The following CSMD3 variants were observed in gnomAD, a reference collection of about 807,000 sequenced individuals.
CSMD3 encodes CUB and Sushi multiple domains 3.
Under a neutral mutation model 435.2 loss-of-function variants are expected in CSMD3, and 177 were observed. The observed-to-expected ratio is 0.41, with a 90% CI of 0.36 to 0.46. CSMD3 has a LOEUF of 0.46. CSMD3 is among the 20% of genes least tolerant of loss of function. The pLI, the probability that CSMD3 is intolerant of heterozygous loss-of-function variation, is 0.34. For synonymous variants in CSMD3, 1,656 were observed against 1,520.5 expected (o/e 1.09, Z -2.07); for missense variants, 4,265 against 4,504.6 (o/e 0.95, Z 1.52).
intron 5 of CSMD3, among the ~76,000 whole-genome samples, chr8:113,051,497 T>A (rs2131328126): frequency 6.6e-6 from 1 of 152,268 alleles, no homozygotes; most frequent in African/African-American, 2.4e-5. Context: ...TATTTGCAAA[T>A]TTCTAAATTT....
chr8:112,705,214 GCCATGAAATTTC>G (rs2076473210), intron 13 of CSMD3, among the ~76,000 whole-genome samples: 1 of 151,972 alleles, frequency 6.6e-6, no homozygotes, highest in Non-Finnish European at 1.5e-5. Context: ...CTAAAAACAA[GCCATGAAATTTC>G]CCATGAGAAA....
At chr8:112,386,952 A>G (rs181633759) in intron 36 of CSMD3, among the ~76,000 whole-genome samples, 208 of 152,348 alleles carry the variant, frequency 1.4e-3, no homozygotes, top group Middle Eastern at 3.4e-3. Context: ...TTCAAATTAC[A>G]TTTTACTTTA....
chr8:112,247,167 C>T, intron 63 of CSMD3, 36 bp from the exon 64 acceptor site: 1 of 1,311,552 alleles, frequency 7.6e-7, no homozygotes, highest in Non-Finnish European at 1.1e-6. Flanking sequence ...AAATATTCCC[C>T]TACAACTTCA....
At chr8:113,323,994 C>A (rs1192564238) in intron 1 of CSMD3, among the ~76,000 whole-genome samples, 1 of 152,030 alleles carries the variant, frequency 6.6e-6, no homozygotes, top group Non-Finnish European at 1.5e-5. Context: ...TTGGCTGTGT[C>A]CCCACCCAAA....
rs867686331 is a variant in CSMD3 at position 113,201,502 on chromosome 8, T to C, written c.515-27586A>G. On this transcript the variant is annotated intron_variant, in intron 3 of 70. Transcript: ENST00000297405. The stretch of plus-strand genomic sequence containing the variant: ...TAAATTGACAGCTGTTTATTAGATT[T>C]TTGTTTTTGATAAGGATACTATATA... 2.7e-4 allele frequency among the ~76,000 whole-genome samples: 41 copies of C among 152,172 alleles called. No individual in the cohort carries two copies. In the South Asian group the frequency reaches 3.9e-3, roughly 15 times the overall value.
intron 5 of CSMD3, among the ~76,000 whole-genome samples, chr8:113,065,544 G>A (rs910213940): frequency 3.9e-5 from 6 of 152,082 alleles, no homozygotes; most frequent in African/African-American, 1.4e-4. Flanking sequence ...CCACCACCAC[G>A]CCTGGCTAAT....
intron 1 of CSMD3, among the ~76,000 whole-genome samples, chr8:113,321,909 T>C (rs542817432): frequency 3.3e-5 from 5 of 152,296 alleles, no homozygotes; most frequent in African/African-American, 1.2e-4. Flanking sequence ...CAATATTTCT[T>C]TGCATAATCC....
chr8:112,824,559 A>G (rs551017557), intron 12 of CSMD3, among the ~76,000 whole-genome samples: 2 of 152,226 alleles, frequency 1.3e-5, no homozygotes, highest in South Asian at 4.1e-4. Context: ...TCCTTTGCTT[A>G]TGAAGCTTAG....
intron 3 of CSMD3, among the ~76,000 whole-genome samples, chr8:113,258,410 T>A (rs1179693631): frequency 6.6e-6 from 1 of 152,156 alleles, no homozygotes; most frequent in Admixed American, 6.6e-5. Context: ...AGCAATATAT[T>A]GTTTAGCGGG....
intron 13 of CSMD3, among the ~76,000 whole-genome samples, chr8:112,773,863 C>G (rs951972586): frequency 2.6e-5 from 4 of 151,600 alleles, no homozygotes; most frequent in African/African-American, 9.7e-5. Context: ...AAGAATGTAA[C>G]AAAAAAATAG....
At chr8:113,401,139 A>T (rs1266784422) in intron 1 of CSMD3, among the ~76,000 whole-genome samples, 1 of 151,766 alleles carries the variant, frequency 6.6e-6, no homozygotes, top group Non-Finnish European at 1.5e-5. Context: ...GCCAAGGAAC[A>T]CTGTTAGAAA....
intron 10 of CSMD3, among the ~76,000 whole-genome samples, chr8:112,873,823 C>T (rs1203702933): frequency 6.6e-6 from 1 of 151,902 alleles, no homozygotes; most frequent in African/African-American, 2.4e-5. Context: ...ATTATTCTGG[C>T]TAGCAGACTA....
chr8:112,874,331 A>C (rs189557183), intron 10 of CSMD3, among the ~76,000 whole-genome samples: 2 of 152,240 alleles, frequency 1.3e-5, no homozygotes, highest in Admixed American at 1.3e-4. Flanking sequence ...ACTTCCAATT[A>C]TGTGGTCAAT....
rs186580102 is a variant in CSMD3 at position 112,337,909 on chromosome 8, T to C, written c.6653-178A>G. ...GACCTGTGACATAAATTTCTTCTCA[T>C]GTCTACAATTTTCATATTTAAAATG... On this transcript the variant is annotated intron_variant, in intron 42 of 70. Coordinates refer to ENST00000297405, the MANE Select transcript of CSMD3 (RefSeq NM_198123.2). Among the ~76,000 whole-genome samples the C allele has an allele frequency of 1.2e-3, 187 of 152,314 alleles. 2 individuals are homozygous for C. The highest frequency in any genetic ancestry group is 1.1e-3 in the Non-Finnish European group (75 of 68,030).
chr8:112,520,621 T>C (rs555937505), intron 27 of CSMD3, among the ~76,000 whole-genome samples: 42 of 152,130 alleles, frequency 2.8e-4, no homozygotes, highest in African/African-American at 9.6e-4. Flanking sequence ...TGTTGCTGCC[T>C]ACATTTTTAC....
rs751339751 is a variant in CSMD3, at chr8:113,173,914, A to T, written c.517T>A (p.Leu173Met). 1 of 1,611,152 alleles carries T rather than the reference A, an allele frequency of 6.2e-7. No homozygotes were observed. The part of the protein sequence containing the change: ...AHGFKVYYEE[L>M]QSSSCGNPGV... ...GGATTTCCACAAGAGCTACTCTGCA[A>T]TTCTATTAAAAAGGAGGAAAAGGAG... The change falls in exon 4 of 71, where the codon TTG becomes ATG. Residue 173 changes from leucine to methionine, a missense_variant and splice_region_variant. Leu to Met is a conservative substitution (Grantham distance 15, BLOSUM62 2). Around this residue, in one of 3 missense-constraint regions of CSMD3, gnomAD observed 731 missense variants for 755.4 expected, o/e 0.97. Transcript: ENST00000297405.
chr8:112,374,861 C>G (rs1828794721), intron 38 of CSMD3, among the ~76,000 whole-genome samples: 5 of 152,074 alleles, frequency 3.3e-5, no homozygotes, highest in Admixed American at 2.6e-4. Context: ...GTTTATTTTT[C>G]TCTTAGGTGA....
At chr8:112,613,517 T>C (rs770688125) in intron 22 of CSMD3, among the ~76,000 whole-genome samples, 1 of 152,178 alleles carries the variant, frequency 6.6e-6, no homozygotes, top group African/African-American at 2.4e-5. Flanking sequence ...ATTTCAAAGA[T>C]GTGAACCAAA....
intron 59 of CSMD3, among the ~76,000 whole-genome samples, chr8:112,271,714 G>A (rs1817548062): frequency 6.6e-6 from 1 of 152,084 alleles, no homozygotes; most frequent in Non-Finnish European, 1.5e-5. Context: ...TAATAATTGA[G>A]ATAATTATGT....
Sources: gnomAD v4.1 joint callset for allele counts (sites outside exome capture counted in the v4.1 genomes callset) on GRCh38, gnomAD v4.1.1 for gene constraint, gnomAD v4.1.1 regional missense constraint, MANE v1.5 for transcripts, NCBI Gene and HGNC (gene_info 2026-07-23, HGNC 2026-07-21) for gene names.